Variants in PCGF5 observed in about 807,000 individuals in gnomAD.
The protein encoded by PCGF5 is polycomb group RING finger protein 5.
In PCGF5, 9 loss-of-function variants were observed where a neutral mutation model predicts 44.3. That is an observed-to-expected ratio of 0.20 (90% CI 0.12 to 0.35). The LOEUF is 0.35. Ranked by LOEUF, PCGF5 falls within the 10% of genes least tolerant of loss-of-function variation. The pLI is 1.00. For missense variants in PCGF5, 146 were observed against 305.3 expected (o/e 0.48, Z 3.89); for synonymous variants, 95 against 102.5 (o/e 0.93, Z 0.44).
chr10:91,253,789 G>A (rs982223236), intron 6 of PCGF5, among the ~76,000 whole-genome samples: 1 of 152,118 alleles, frequency 6.6e-6, no homozygotes, highest in African/African-American at 2.4e-5. Flanking sequence ...GTAAGGCCCA[G>A]AGTGAGGGCC....
At chr10:91,179,122 T>TC (rs1432044962) in intron 1 of PCGF5, among the ~76,000 whole-genome samples, 1 of 152,222 alleles carries the variant, frequency 6.6e-6, no homozygotes, top group Non-Finnish European at 1.5e-5. Context: ...TTTGCTTGCT[T>TC]CCTAAACATC....
intron 3 of PCGF5, among the ~76,000 whole-genome samples, chr10:91,246,960 TA>T (rs1845478068): frequency 8.0e-6 from 1 of 124,528 alleles, no homozygotes; most frequent in Non-Finnish European, 1.7e-5. Flanking sequence ...GATAGATGGA[TA>T]GATGGATAGA....
chr10:91,201,958 A>C (rs1844260275), intron 1 of PCGF5, among the ~76,000 whole-genome samples: 2 of 152,134 alleles, frequency 1.3e-5, no homozygotes, highest in South Asian at 4.1e-4. Flanking sequence ...TTGTTAGAAG[A>C]AGCAGGGTGG....
intron 3 of PCGF5, among the ~76,000 whole-genome samples, chr10:91,242,566 C>T (rs985943667): frequency 6.6e-6 from 1 of 152,060 alleles, no homozygotes; most frequent in Non-Finnish European, 1.5e-5. Context: ...CAAACCCGCT[C>T]CCTTGGCTAA....
upstream of PCGF5, among the ~76,000 whole-genome samples, chr10:91,218,879 C>T (rs1483134623): frequency 6.6e-6 from 1 of 152,130 alleles, no homozygotes; most frequent in African/African-American, 2.4e-5. Flanking sequence ...CCGCCCACCT[C>T]GGCCTCCAGA....
intron 3 of PCGF5, among the ~76,000 whole-genome samples, chr10:91,243,278 A>C (rs1414381785): frequency 6.6e-6 from 1 of 152,188 alleles, no homozygotes; most frequent in Admixed American, 6.6e-5. Context: ...CATGACAGCC[A>C]CTAGGTAAAG....
At chr10:91,235,481 A>T (rs1251292889) in intron 2 of PCGF5, among the ~76,000 whole-genome samples, 4 of 152,042 alleles carry the variant, frequency 2.6e-5, no homozygotes, top group Non-Finnish European at 5.9e-5. Flanking sequence ...AGGCAGGAGG[A>T]TCGCTTTAAT....
rs765906082 is a variant in PCGF5 at position 91,282,890 on chromosome 10, A to G, written c.*4574A>G. The G allele has an allele frequency of 1.3e-5, 2 of 152,688 alleles. No homozygotes were observed. Among genetic ancestry groups the G allele is most frequent in the East Asian group, 1.9e-4 (1 of 5,190 alleles). The allele number at this position is 152,688 out of a possible 1,614,324, so 9.5% of individuals were successfully genotyped here. On this transcript the variant is annotated 3_prime_UTR_variant, in exon 10 of 10. Coordinates refer to ENST00000336126, the MANE Select transcript of PCGF5 (RefSeq NM_032373.5). Reference sequence around the variant, plus strand: ...TTAGAAACACAAAACTTGAAATGCAATTATCAATATTTTGTAATATATATT... The same window carrying G: ...TTAGAAACACAAAACTTGAAATGCAGTTATCAATATTTTGTAATATATATT...
At chr10:91,210,386 T>C (rs1319786107) in intron 1 of PCGF5, among the ~76,000 whole-genome samples, 1 of 152,196 alleles carries the variant, frequency 6.6e-6, no homozygotes, top group African/African-American at 2.4e-5. Context: ...TGTGAAAACA[T>C]TACTCATTAC....
rs1048650085 is a variant in PCGF5 at position 91,279,590 on chromosome 10, A to C, written c.*1274A>C. 2.0e-5 allele frequency: 3 copies of C among 152,136 alleles called. No homozygotes were observed. The highest frequency in any genetic ancestry group is 4.4e-5 in the Non-Finnish European group (3 of 67,960). The allele number at this position is 152,136 out of a possible 1,614,324, so 9.4% of individuals were successfully genotyped here. ...TCTGCAAGTCAAAGAAAGTCTTGTTACCTTAAATTATATGAAAACTGTCAT... is the reference window on the plus strand; with the variant it reads ...TCTGCAAGTCAAAGAAAGTCTTGTTCCCTTAAATTATATGAAAACTGTCAT... On this transcript the variant is annotated 3_prime_UTR_variant, in exon 10 of 10. Transcript: ENST00000336126.
At chr10:91,178,385 C>T (rs1047833242) in intron 1 of PCGF5, among the ~76,000 whole-genome samples, 1 of 144,800 alleles carries the variant, frequency 6.9e-6, no homozygotes, top group Non-Finnish European at 1.5e-5. Context: ...TCTTTCTTTT[C>T]TTTTCTTTTC....
chr10:91,172,487 C>T (rs1843627533), intron 1 of PCGF5, among the ~76,000 whole-genome samples: 8 of 152,148 alleles, frequency 5.3e-5, no homozygotes, highest in Admixed American at 5.2e-4. Flanking sequence ...AATCTTAGAA[C>T]ACTTCCTCAC....
intron 1 of PCGF5, among the ~76,000 whole-genome samples, chr10:91,168,435 C>G (rs1211497518): frequency 6.6e-6 from 1 of 152,100 alleles, no homozygotes; most frequent in Non-Finnish European, 1.5e-5. Context: ...GTGAGACCAT[C>G]GTCAGTAGCC....
chr10:91,156,910 A>G, the PCGF5 span, among the ~76,000 whole-genome samples: 1 of 152,194 alleles, frequency 6.6e-6, no homozygotes, highest in South Asian at 2.1e-4. Flanking sequence ...TAACAAATTA[A>G]CTACTATATA....
At position 91,284,026 on chromosome 10, in the gene PCGF5, T is replaced by G. The variant is rs1846516709; in HGVS notation, c.*5710T>G. On this transcript the variant is annotated 3_prime_UTR_variant, in exon 10 of 10. Transcript: ENST00000336126. ...TAAAGGAAAAGCACTTGTAGATATT[T>G]AATCAGTACAAGATATGTCTTTTGC... 6.5e-6 allele frequency: 1 copy of G among 152,674 alleles called. No homozygotes were observed. The highest frequency in any genetic ancestry group is 6.5e-5 in the Admixed American group (1 of 15,288). The allele number at this position is 152,674 out of a possible 1,614,324, so 9.5% of individuals were successfully genotyped here.
chr10:91,238,613 T>TCTTTC (rs1564645035), intron 2 of PCGF5, among the ~76,000 whole-genome samples: 1 of 110,384 alleles, frequency 9.1e-6, no homozygotes, highest in African/African-American at 4.5e-5. Flanking sequence ...TTTTTTTTTT[T>TCTTTC]TTTTTTTTTT....
At chr10:91,244,464 G>A (rs1387217831) in intron 3 of PCGF5, among the ~76,000 whole-genome samples, 1 of 152,162 alleles carries the variant, frequency 6.6e-6, no homozygotes, top group Non-Finnish European at 1.5e-5. Context: ...TGAGATTCCA[G>A]ATTATGAAGG....
chr10:91,221,207 C>G (rs1337945320), intron 1 of PCGF5, among the ~76,000 whole-genome samples: 2 of 152,160 alleles, frequency 1.3e-5, no homozygotes, highest in African/African-American at 2.4e-5. Flanking sequence ...GCCCCCGCCC[C>G]GTCATTGCAA....
intron 1 of PCGF5, among the ~76,000 whole-genome samples, chr10:91,191,751 C>G (rs77446815): frequency 5.3e-4 from 81 of 152,282 alleles, no homozygotes; most frequent in Non-Finnish European, 9.7e-4. Flanking sequence ...CCAGAACACT[C>G]CACCCAAAAT....
Sources: gnomAD v4.1 joint callset for allele counts (sites outside exome capture counted in the v4.1 genomes callset) on GRCh38, gnomAD v4.1.1 for gene constraint, MANE v1.5 for transcripts, NCBI Gene and HGNC (gene_info 2026-07-23, HGNC 2026-07-21) for gene names.